Variants in CEP126 observed in about 807,000 individuals in gnomAD.
The protein encoded by CEP126 is centrosomal protein 126.
A neutral mutation model predicts 107.8 loss-of-function variants in CEP126; 74 were observed. The ratio of observed to expected loss-of-function variants is 0.69; its 90% confidence interval spans 0.57 to 0.83. The LOEUF is 0.83. CEP126 is among the 40% of genes least tolerant of loss of function. CEP126 has a pLI of 0.00. For synonymous variants in CEP126, 449 were observed against 446.0 expected, an observed-to-expected ratio of 1.01 and a Z score of -0.08; for missense variants, 1,237 against 1,281.9, an observed-to-expected ratio of 0.96 and a Z score of 0.53.
intron 8 of CEP126, among the ~76,000 whole-genome samples, chr11:101,982,938 A>C (rs535771600): frequency 6.6e-6 from 1 of 152,274 alleles, no homozygotes; most frequent in African/African-American, 2.4e-5. Flanking sequence ...AAGGGGAAAA[A>C]AGATCCTCTC....
rs1352526671 is a variant in CEP126 at position 101,981,891 on chromosome 11, T to C, written c.2961T>C (p.Asn987=). The change falls in exon 8 of 11, where the codon AAT becomes AAC. Residue 987 remains asparagine (N), a splice_region_variant and synonymous_variant. Transcript: ENST00000263468. The part of the protein sequence containing the change: ...VGQKYSEQIN[N]FGQSVLLSSS... ...AATTCAATATTCTATTTTTGTAGAA[T>C]TTTGGACAAAGTGTCCTGCTAAGTT... The C allele has an allele frequency of 1.9e-6, 3 of 1,566,058 alleles. No homozygotes were observed. The highest frequency in any genetic ancestry group is 2.6e-6 in the Non-Finnish European group (3 of 1,146,638).
At chr11:101,975,296 A>C (rs1481262699) in intron 6 of CEP126, among the ~76,000 whole-genome samples, 1 of 152,238 alleles carries the variant, frequency 6.6e-6, no homozygotes, top group African/African-American at 2.4e-5. Flanking sequence ...TTTTAGAATT[A>C]GAATATTCTA....
At chr11:101,970,742 AG>A (rs1464669407) in intron 6 of CEP126, among the ~76,000 whole-genome samples, 2 of 152,250 alleles carry the variant, frequency 1.3e-5, no homozygotes, top group Non-Finnish European at 2.9e-5. Context: ...GGCAAAAATT[AG>A]GTAACATTTA....
intron 7 of CEP126, among the ~76,000 whole-genome samples, 163 bp downstream of exon 7, chr11:101,978,622 A>T (rs1159469931): frequency 1.3e-5 from 2 of 152,122 alleles, no homozygotes; most frequent in Non-Finnish European, 2.9e-5. Flanking sequence ...TTATGCTAGG[A>T]GATTATTCCA....
chr11:101,991,002 T>C (rs961790039), intron 9 of CEP126, among the ~76,000 whole-genome samples: 1 of 151,712 alleles, frequency 6.6e-6, no homozygotes, highest in Non-Finnish European at 1.5e-5. Flanking sequence ...TGAAACCCTG[T>C]CTCTACAAAA....
At position 101,933,305 on chromosome 11, in the gene CEP126, G is replaced by A. The variant is rs554445393; in HGVS notation, c.248+10545G>A. 3.3e-5 allele frequency among the ~76,000 whole-genome samples: 5 copies of A among 152,192 alleles called. No individual in the cohort carries two copies. The East Asian group carries it at 9.7e-4, about 29-fold the overall frequency. ...GGTAAGGTTAAGCTTAGGATTCCATGGGAAAACAAATTCGTGTTACATGTG... is the reference window on the plus strand; with the variant it reads ...GGTAAGGTTAAGCTTAGGATTCCATAGGAAAACAAATTCGTGTTACATGTG... On this transcript the variant is annotated intron_variant, in intron 2 of 10. Transcript: ENST00000263468.
intron 9 of CEP126, among the ~76,000 whole-genome samples, chr11:101,991,503 G>T (rs1321161517): frequency 6.6e-6 from 1 of 152,194 alleles, no homozygotes; most frequent in African/African-American, 2.4e-5. Context: ...TGACTAATAT[G>T]TTAAAGGTTA....
At chr11:101,917,027 AATGTGTGTGTGT>A (rs1467481557) in intron 1 of CEP126, among the ~76,000 whole-genome samples, 1 of 90,128 alleles carries the variant, frequency 1.1e-5, no homozygotes, top group African/African-American at 4.6e-5. Flanking sequence ...AAAATCCAAC[AATGTGTGTGTGT>A]GTGTGTGTGT....
intron 6 of CEP126, among the ~76,000 whole-genome samples, chr11:101,977,332 C>T (rs1941202325): frequency 6.6e-6 from 1 of 151,900 alleles, no homozygotes; most frequent in Non-Finnish European, 1.5e-5. Context: ...TTTAAGTAGT[C>T]ATTAAAAAGC....
chr11:101,954,679 AAAC>A (rs1233867030), intron 4 of CEP126, among the ~76,000 whole-genome samples: 4 of 151,984 alleles, frequency 2.6e-5, no homozygotes, highest in African/African-American at 2.4e-5. Context: ...TGTATTTGGA[AAAC>A]AACAAGTGTA....
chr11:101,939,919 G>C (rs549019842), intron 2 of CEP126, among the ~76,000 whole-genome samples: 1 of 152,130 alleles, frequency 6.6e-6, no homozygotes, highest in African/African-American at 2.4e-5. Flanking sequence ...GACCATCAAA[G>C]CATTTGCCCA....
rs1941217193 is a variant in CEP126 at position 101,978,356 on chromosome 11, T to A, written c.2855T>A (p.Val952Asp). ...CTGGCATTTGTTTAAGGGTCTACTGTTATGAGAAGAAAACGAATTGCTGAA... is the reference window on the plus strand; with the variant it reads ...CTGGCATTTGTTTAAGGGTCTACTGATATGAGAAGAAAACGAATTGCTGAA... ...HQNKRATGST[V>D]MRRKRIAETK... Residue 952 changes from valine to aspartate, a missense_variant, in exon 7 of 11, where the codon GTT becomes GAT. Val to Asp is a radical substitution (Grantham distance 152). Transcript: ENST00000263468. The A allele has an allele frequency of 6.2e-7, 1 of 1,610,704 alleles. No homozygotes were observed. The highest frequency in any genetic ancestry group is 1.3e-5 in the African/African-American group (1 of 74,850).
chr11:101,955,901 T>C (rs1268061020), intron 4 of CEP126: 2 of 456,302 alleles, frequency 4.4e-6, no homozygotes, highest in South Asian at 3.1e-5. Flanking sequence ...TCTTCCTAGC[T>C]ACCCAACTGT....
chr11:101,976,115 T>C (rs1351580610), intron 6 of CEP126, among the ~76,000 whole-genome samples: 1 of 152,230 alleles, frequency 6.6e-6, no homozygotes, highest in African/African-American at 2.4e-5. Flanking sequence ...GATTTCTGGG[T>C]TGATGGGTAC....
intron 4 of CEP126, among the ~76,000 whole-genome samples, chr11:101,954,105 G>A (rs556381816): frequency 6.6e-6 from 1 of 152,110 alleles, no homozygotes; most frequent in South Asian, 2.1e-4. Context: ...TCGGCTCACT[G>A]CAACCTCCAC....
intron 2 of CEP126, among the ~76,000 whole-genome samples, chr11:101,942,437 G>A (rs574324295): frequency 6.6e-6 from 1 of 151,926 alleles, no homozygotes; most frequent in Non-Finnish European, 1.5e-5. Context: ...ATAGAAGAGG[G>A]TTTATTTCTG....
intron 10 of CEP126, among the ~76,000 whole-genome samples, chr11:101,994,627 TC>T (rs1026616459): frequency 5.9e-5 from 9 of 152,196 alleles, no homozygotes; most frequent in African/African-American, 2.2e-4. Context: ...GAATGGGGAA[TC>T]CGTTCCCCAT....
intron 1 of CEP126, among the ~76,000 whole-genome samples, chr11:101,917,421 A>C (rs1366537516): frequency 6.6e-6 from 1 of 152,138 alleles, no homozygotes; most frequent in Non-Finnish European, 1.5e-5. Context: ...TCAAATATGA[A>C]CATGATACTC....
intron 5 of CEP126, 59 bp downstream of exon 5, chr11:101,958,425 T>C (rs117092980): frequency 0.022 from 30,975 of 1,419,814 alleles, 389 homozygotes; most frequent in Non-Finnish European, 0.027. Flanking sequence ...TTTGCTCCAC[T>C]TTTGCAGTGT....
Sources: allele counts gnomAD v4.1 joint callset (sites outside exome capture counted in the v4.1 genomes callset), GRCh38; gene constraint gnomAD v4.1.1; transcripts MANE v1.5; gene names NCBI Gene and HGNC (gene_info 2026-07-23, HGNC 2026-07-21).